The following GRID1 variants were observed in gnomAD, a reference collection of about 807,000 sequenced individuals.
GRID1 encodes glutamate receptor ionotropic, delta-1.
GRID1 carries 28 observed loss-of-function variants against 98.0 expected under a neutral mutation model. The observed-to-expected ratio is 0.29, with a 90% CI of 0.21 to 0.39. The LOEUF (loss-of-function observed/expected upper bound fraction) is 0.39, where lower values mean the gene tolerates loss of function less well. Ranked by LOEUF, GRID1 falls within the 10% of genes least tolerant of loss-of-function variation. GRID1 has a pLI of 1.00. For missense variants in GRID1, 1,111 were observed against 1,340.5 expected, an observed-to-expected ratio of 0.83 and a Z score of 2.67; for synonymous variants, 553 against 538.5, an observed-to-expected ratio of 1.03 and a Z score of -0.37.
At chr10:86,027,504 A>T in intron 4 of GRID1, among the ~76,000 whole-genome samples, 1 of 152,216 alleles carries the variant, frequency 6.6e-6, no homozygotes, top group South Asian at 2.1e-4. Context: ...GCAGTTGACA[A>T]ATATTTGAAT....
At chr10:86,082,604 C>T (rs1158783945) in intron 4 of GRID1, among the ~76,000 whole-genome samples, 1 of 152,210 alleles carries the variant, frequency 6.6e-6, no homozygotes, top group Non-Finnish European at 1.5e-5. Flanking sequence ...AACAGGGCCA[C>T]TGCCCCTCTT....
intron 8 of GRID1, among the ~76,000 whole-genome samples, chr10:85,804,655 T>C (rs1387616977): frequency 6.6e-6 from 1 of 151,900 alleles, no homozygotes; most frequent in African/African-American, 2.4e-5. Context: ...TGTCATAGAA[T>C]TGCAAGGTTG....
chr10:85,886,097 T>C (rs1245629643), intron 5 of GRID1, among the ~76,000 whole-genome samples: 3 of 152,178 alleles, frequency 2.0e-5, no homozygotes, highest in Non-Finnish European at 4.4e-5. Context: ...ACCACCTGGG[T>C]TGTCCCAGTT....
chr10:86,324,239 C>T (rs1426527373), intron 2 of GRID1, among the ~76,000 whole-genome samples: 2 of 152,094 alleles, frequency 1.3e-5, no homozygotes, highest in African/African-American at 4.8e-5. Flanking sequence ...CAGCTGGCCT[C>T]ATGTTAGGTA....
At chr10:85,628,966 AT>A (rs1280108697) in intron 13 of GRID1, among the ~76,000 whole-genome samples, 1 of 152,124 alleles carries the variant, frequency 6.6e-6, no homozygotes, top group Non-Finnish European at 1.5e-5. Context: ...TAGCTTTGTC[AT>A]GAAAGTCCCA....
intron 13 of GRID1, among the ~76,000 whole-genome samples, chr10:85,641,794 A>G (rs1843122236): frequency 6.6e-6 from 1 of 152,212 alleles, no homozygotes; most frequent in Non-Finnish European, 1.5e-5. Flanking sequence ...GCTGGGTCTC[A>G]GCGCAGTGAG....
Position 85,600,881 on chromosome 10 carries a change from G to C in GRID1, c.*1392C>G, listed in dbSNP as rs1422550803. 2.0e-5 allele frequency: 3 copies of C among 152,438 alleles called. No homozygotes were observed. Among genetic ancestry groups the C allele is most frequent in the Admixed American group, 6.5e-5 (1 of 15,284 alleles). The allele number at this position is 152,438 out of a possible 1,614,324, so 9.4% of individuals were successfully genotyped here. A position where few individuals can be genotyped will look rare whatever the true frequency, so the allele number is the denominator to read the frequency against. ...CTCAGAGGTTATCAGATGCCTGAGT[G>C]GGGAGGGCCCCTGCTCTGGGTTGGA... On this transcript the variant is annotated 3_prime_UTR_variant, in exon 16 of 16. Coordinates refer to ENST00000327946, the MANE Select transcript of GRID1 (RefSeq NM_017551.3).
chr10:85,736,176 AAAGG>A (rs535493534), intron 8 of GRID1, among the ~76,000 whole-genome samples: 1 of 116,998 alleles, frequency 8.5e-6, no homozygotes, highest in African/African-American at 3.3e-5. Flanking sequence ...ACACAGGAAG[AAAGG>A]AAGGAAGGAG....
intron 2 of GRID1, among the ~76,000 whole-genome samples, chr10:86,230,597 C>A (rs1462089637): frequency 1.3e-5 from 2 of 152,244 alleles, no homozygotes; most frequent in Non-Finnish European, 2.9e-5. Flanking sequence ...CACACCTGAA[C>A]TTCCCACTGT....
At chr10:86,340,577 T>C (rs1848296620) in intron 2 of GRID1, among the ~76,000 whole-genome samples, 2 of 152,106 alleles carry the variant, frequency 1.3e-5, no homozygotes, top group South Asian at 2.1e-4. Context: ...AGGTGAATAC[T>C]CCAGGGGCAC....
At chr10:85,979,657 C>T (rs759581502) in intron 4 of GRID1, among the ~76,000 whole-genome samples, 3 of 152,232 alleles carry the variant, frequency 2.0e-5, no homozygotes, top group Non-Finnish European at 4.4e-5. Flanking sequence ...TGATCATCTG[C>T]AAAGACCCTG....
In GRID1 at chr10:86,032,887, T is replaced by C. The variant is rs144986903; in HGVS notation, c.726+105932A>G. Among the ~76,000 whole-genome samples, 1,077 of 151,306 alleles carry C rather than the reference T, an allele frequency of 7.1e-3. 8 individuals carry two copies. The highest frequency in any genetic ancestry group is 0.014 in the Middle Eastern group (4 of 294). ...ATACCAGCTAATACCCATTCAGTAT[T>C]CAAATTTCCCTGATTATCTCAAAAA... On this transcript the variant is annotated intron_variant, in intron 4 of 15. Transcript: ENST00000327946.
At chr10:85,645,476 C>T (rs1172663116) in intron 13 of GRID1, 2 of 152,212 alleles carry the variant, frequency 1.3e-5, no homozygotes, top group Non-Finnish European at 2.9e-5. Flanking sequence ...ATGAGAATAG[C>T]ACAGTTACAC....
chr10:85,987,789 C>G (rs1404524013), intron 4 of GRID1, among the ~76,000 whole-genome samples: 16 of 151,568 alleles, frequency 1.1e-4, no homozygotes. Flanking sequence ...CCTCAGGGGC[C>G]TTCCTATACC....
chr10:85,729,050 G>T (rs1464783669), intron 9 of GRID1, among the ~76,000 whole-genome samples: 2 of 152,168 alleles, frequency 1.3e-5, no homozygotes, highest in Non-Finnish European at 2.9e-5. Context: ...CAGAAAAGTT[G>T]CAACTACCGA....
intron 12 of GRID1, among the ~76,000 whole-genome samples, chr10:85,693,265 G>T (rs1841353752): frequency 6.6e-6 from 1 of 152,118 alleles, no homozygotes; most frequent in African/African-American, 2.4e-5. Flanking sequence ...TGGATATTTA[G>T]AATTATCCCA....
chr10:85,740,254 T>C (rs567808645), intron 8 of GRID1, among the ~76,000 whole-genome samples: 3 of 152,310 alleles, frequency 2.0e-5, no homozygotes, highest in African/African-American at 7.2e-5. Flanking sequence ...GTCATATTTG[T>C]TCTCTGGGCT....
intron 4 of GRID1, among the ~76,000 whole-genome samples, chr10:86,021,901 G>A (rs140715848): frequency 5.3e-5 from 8 of 152,314 alleles, no homozygotes; most frequent in Non-Finnish European, 1.2e-4. Flanking sequence ...AGTCAGCTGA[G>A]GGTGAGCTGC....
At chr10:85,991,693 A>T (rs1489410276) in intron 4 of GRID1, among the ~76,000 whole-genome samples, 2 of 152,186 alleles carry the variant, frequency 1.3e-5, no homozygotes, top group Non-Finnish European at 2.9e-5. Flanking sequence ...GGAAGAGGGG[A>T]AAGAGCAGAA....
Sources: allele counts gnomAD v4.1 joint callset (sites outside exome capture counted in the v4.1 genomes callset), GRCh38; gene constraint gnomAD v4.1.1; transcripts MANE v1.5; gene names NCBI Gene and HGNC (gene_info 2026-07-23, HGNC 2026-07-21).